TENM3: variants seen among roughly 807,000 people sequenced by gnomAD.
TENM3 encodes teneurin-3.
In TENM3, 63 loss-of-function variants were observed where a neutral mutation model predicts 255.1. That is an observed-to-expected ratio of 0.25 (90% CI 0.20 to 0.30). The LOEUF (loss-of-function observed/expected upper bound fraction) is 0.30, where lower values mean the gene tolerates loss of function less well. Ranked by LOEUF, TENM3 falls within the 10% of genes least tolerant of loss-of-function variation. TENM3 has a pLI of 1.00. For synonymous variants in TENM3, 1,306 were observed against 1,322.3 expected, an observed-to-expected ratio of 0.99 and a Z score of 0.27; for missense variants, 2,929 against 3,461.1, an observed-to-expected ratio of 0.85 and a Z score of 3.86.
At chr4:181,839,597 A>C in the TENM3 span, among the ~76,000 whole-genome samples, 1 of 150,270 alleles carries the variant, frequency 6.7e-6, no homozygotes, top group Admixed American at 6.7e-5. Flanking sequence ...ACACTTTCTC[A>C]GTTTTTGTTT....
the TENM3 span, among the ~76,000 whole-genome samples, chr4:181,564,535 A>G: frequency 4.6e-5 from 7 of 152,124 alleles, no homozygotes; most frequent in South Asian, 4.1e-4. Flanking sequence ...CTCTAAAATG[A>G]CACCAACTGT....
chr4:182,160,463 A>C (rs942594643), intron 1 of TENM3, among the ~76,000 whole-genome samples: 1 of 152,232 alleles, frequency 6.6e-6, no homozygotes, highest in African/African-American at 2.4e-5. Context: ...TTTACCATGT[A>C]TTGATTTATT....
chr4:181,711,780 C>T, the TENM3 span, among the ~76,000 whole-genome samples: 1 of 152,156 alleles, frequency 6.6e-6, no homozygotes, highest in Non-Finnish European at 1.5e-5. Context: ...CCCACTTCCT[C>T]TTGGCTGTGT....
the TENM3 span, among the ~76,000 whole-genome samples, chr4:181,790,773 A>G: frequency 6.6e-6 from 1 of 152,188 alleles, no homozygotes; most frequent in Non-Finnish European, 1.5e-5. Flanking sequence ...ATTCTTCTTA[A>G]TATCTGCTTA....
chr4:181,981,210 G>T, the TENM3 span, among the ~76,000 whole-genome samples: 1 of 152,002 alleles, frequency 6.6e-6, no homozygotes, highest in East Asian at 1.9e-4. Flanking sequence ...GGGCTGTCTC[G>T]TCTTCCTCAA....
intron 12 of TENM3, among the ~76,000 whole-genome samples, chr4:182,708,563 G>A (rs2152662887): frequency 6.6e-6 from 1 of 152,286 alleles, no homozygotes; most frequent in South Asian, 2.1e-4. Flanking sequence ...ACTTTGGGAG[G>A]CCGAGGAGGG....
At chr4:182,365,617 T>C (rs375361058) in intron 3 of TENM3, among the ~76,000 whole-genome samples, 1 of 152,216 alleles carries the variant, frequency 6.6e-6, no homozygotes, top group Admixed American at 6.5e-5. Context: ...TGTATCCTTA[T>C]TGAGTAAATG....
At position 182,755,256 on chromosome 4, in the gene TENM3, TTGAG is replaced by T. The variant is rs1561205571; in HGVS notation, c.4891_4892+2del. On this transcript the variant is annotated splice_donor_variant and coding_sequence_variant, in exon 22 of 28. Coordinates refer to ENST00000511685, the MANE Select transcript of TENM3 (RefSeq NM_001080477.4). LOFTEE classifies it high-confidence loss of function. ...GATGAAACTGGATGGACAACGTTTT[TTGAG>T]TAAGTATATGAAAATTCTACTCTGA... The T allele has an allele frequency of 1.3e-6, 2 of 1,591,338 alleles. No homozygotes were observed. The highest frequency in any genetic ancestry group is 3.5e-5 in the Admixed American group (2 of 57,596).
chr4:182,367,308 G>A (rs957879246), intron 3 of TENM3, among the ~76,000 whole-genome samples: 6 of 152,140 alleles, frequency 3.9e-5, no homozygotes, highest in African/African-American at 1.4e-4. Context: ...GGGAAACCAT[G>A]GAAGTTAACA....
At chr4:181,955,436 G>GA in the TENM3 span, among the ~76,000 whole-genome samples, 3 of 152,284 alleles carry the variant, frequency 2.0e-5, no homozygotes, top group Non-Finnish European at 4.4e-5. Context: ...AATCAGCCAG[G>GA]AAAATGTCTG....
At chr4:182,400,724 T>G (rs1054659297) in intron 3 of TENM3, among the ~76,000 whole-genome samples, 1 of 152,232 alleles carries the variant, frequency 6.6e-6, no homozygotes, top group African/African-American at 2.4e-5. Flanking sequence ...GTTTTTCTAA[T>G]TAAGGGAGCT....
At chr4:182,152,952 A>G (rs183882635) in intron 1 of TENM3, among the ~76,000 whole-genome samples, 9 of 151,956 alleles carry the variant, frequency 5.9e-5, no homozygotes, top group Admixed American at 5.9e-4. Context: ...AACAGAAAAG[A>G]CCTAATTTTA....
At chr4:182,360,049 C>G (rs533797865) in intron 3 of TENM3, among the ~76,000 whole-genome samples, 1 of 152,134 alleles carries the variant, frequency 6.6e-6, no homozygotes, top group African/African-American at 2.4e-5. Flanking sequence ...GTTTCTTAAT[C>G]CTGAGTTCTA....
At chr4:182,132,335 T>C in the TENM3 span, among the ~76,000 whole-genome samples, 1 of 151,574 alleles carries the variant, frequency 6.6e-6, no homozygotes, top group African/African-American at 2.4e-5. Context: ...CCAACAAAAA[T>C]TAGCCAGACC....
the TENM3 span, among the ~76,000 whole-genome samples, chr4:181,780,280 A>G: frequency 9.9e-4 from 150 of 152,280 alleles, 1 homozygote; most frequent in Non-Finnish European, 5.6e-4. Context: ...CTATTTCTCC[A>G]CATCCTCTCC....
chr4:181,917,131 G>A, the TENM3 span, among the ~76,000 whole-genome samples: 5 of 152,244 alleles, frequency 3.3e-5, no homozygotes, highest in South Asian at 2.1e-4. Context: ...GCGCTCTTAT[G>A]GGTGCTTGAA....
the TENM3 span, chr4:181,523,018 A>C: frequency 1.6e-6 from 1 of 627,748 alleles, no homozygotes; most frequent in Non-Finnish European, 3.1e-6. Flanking sequence ...CTATAATTTG[A>C]AGATTGTAGA....
At chr4:181,750,755 AC>A in the TENM3 span, among the ~76,000 whole-genome samples, 3 of 152,184 alleles carry the variant, frequency 2.0e-5, no homozygotes, top group Non-Finnish European at 4.4e-5. Context: ...GTTTTGGGCC[AC>A]CCACATGTTG....
At chr4:181,605,566 GAAAGAGAGA>G in the TENM3 span, among the ~76,000 whole-genome samples, 41 of 28,534 alleles carry the variant, frequency 1.4e-3, 3 homozygotes, top group Admixed American at 2.6e-3. Flanking sequence ...AAGAAAGAAA[GAAAGAGAGA>G]GAAAGAAAGG....
Sources: gnomAD v4.1 joint callset for allele counts (sites outside exome capture counted in the v4.1 genomes callset) on GRCh38, gnomAD v4.1.1 for gene constraint, MANE v1.5 for transcripts, NCBI Gene and HGNC (gene_info 2026-07-23, HGNC 2026-07-21) for gene names.